The following MACROD2 variants were observed in gnomAD, a reference collection of about 807,000 sequenced individuals.
The protein encoded by MACROD2 is mono-ADP ribosylhydrolase 2, also known as ADP-ribose glycohydrolase MACROD2.
A neutral mutation model predicts 70.4 loss-of-function variants in MACROD2; 36 were observed. The ratio of observed to expected loss-of-function variants is 0.51; its 90% CI spans 0.39 to 0.68. The LOEUF (loss-of-function observed/expected upper bound fraction) is 0.68, where lower values mean the gene tolerates loss of function less well. Among genes scored for constraint, MACROD2 ranks in the 30% least tolerant of loss-of-function variants. The probability of loss-of-function intolerance (pLI) is 0.00; values close to 1 mark genes in which losing one functional copy is unlikely to be tolerated. For synonymous variants in MACROD2, 172 were observed against 178.8 expected, an observed-to-expected ratio of 0.96 and a Z score of 0.30; for missense variants, 496 against 538.4, an observed-to-expected ratio of 0.92 and a Z score of 0.78.
intron 15 of MACROD2, among the ~76,000 whole-genome samples, chr20:15,994,903 T>G (rs1490109732): frequency 6.6e-6 from 1 of 152,188 alleles, no homozygotes; most frequent in Non-Finnish European, 1.5e-5. Flanking sequence ...CAACAAAAAT[T>G]TTGTAACAAT....
At chr20:15,824,716 C>T (rs565547018) in intron 8 of MACROD2, among the ~76,000 whole-genome samples, 85 of 152,232 alleles carry the variant, frequency 5.6e-4, no homozygotes, top group Non-Finnish European at 1.0e-3. Context: ...TTCAGCTCTC[C>T]CCCACCCATT....
chr20:15,728,875 T>C (rs2423983), intron 8 of MACROD2, among the ~76,000 whole-genome samples: 129,142 of 151,818 alleles, frequency 0.85, 55,603 homozygotes, highest in Non-Finnish European at 0.92. Flanking sequence ...TTTTGTATCT[T>C]GGTTTCCTTC....
In MACROD2 at chr20:14,784,658, G is replaced by T. The variant is rs556527000; in HGVS notation, c.418+99699G>T. On this transcript the variant is annotated intron_variant, in intron 5 of 17. Transcript: ENST00000684519. Reference sequence around the variant, plus strand: ...ATCCAAATTAGGTCAGAAAAGGATGGTGTTTTAAGTGGGGGGGGGGGGGCA... The same window carrying T: ...ATCCAAATTAGGTCAGAAAAGGATGTTGTTTTAAGTGGGGGGGGGGGGGCA... Among the ~76,000 whole-genome samples the T allele has an allele frequency of 1.1e-3, 45 of 41,252 alleles. 1 individual carries two copies. Among genetic ancestry groups the T allele is most frequent in the African/African-American group, 4.5e-3 (42 of 9,350 alleles). The allele number at this position is 41,252 out of a possible 152,430, so 27.1% of individuals were successfully genotyped here. A position where few individuals can be genotyped will look rare whatever the true frequency, so the allele number is the denominator to read the frequency against.
At chr20:15,296,928 C>T (rs2077594970) in intron 6 of MACROD2, among the ~76,000 whole-genome samples, 1 of 152,152 alleles carries the variant, frequency 6.6e-6, no homozygotes, top group Non-Finnish European at 1.5e-5. Flanking sequence ...AAAACAGCAA[C>T]ATTAAGGCCA....
intron 8 of MACROD2, among the ~76,000 whole-genome samples, chr20:15,798,576 G>A (rs1424727737): frequency 2.6e-5 from 4 of 152,098 alleles, no homozygotes; most frequent in African/African-American, 9.7e-5. Flanking sequence ...AAATTCAAAG[G>A]GAGAATTAAA....
chr20:14,956,056 A>T (rs2074534293), intron 5 of MACROD2, among the ~76,000 whole-genome samples: 1 of 150,158 alleles, frequency 6.7e-6, no homozygotes, highest in Non-Finnish European at 1.5e-5. Flanking sequence ...AACTTATGTG[A>T]TGTTTTTATT....
At chr20:15,002,619 G>C (rs1157778827) in intron 5 of MACROD2, among the ~76,000 whole-genome samples, 1 of 152,104 alleles carries the variant, frequency 6.6e-6, no homozygotes, top group Non-Finnish European at 1.5e-5. Context: ...TTTAATGTAG[G>C]TGCAGACTCA....
At chr20:16,001,598 A>G (rs2066710427) in intron 15 of MACROD2, among the ~76,000 whole-genome samples, 1 of 152,226 alleles carries the variant, frequency 6.6e-6, no homozygotes, top group South Asian at 2.1e-4. Flanking sequence ...CCTTCATTTT[A>G]AATTGAACCT....
At chr20:14,654,976 T>G (rs2123519571) in intron 4 of MACROD2, among the ~76,000 whole-genome samples, 1 of 152,260 alleles carries the variant, frequency 6.6e-6, no homozygotes, top group East Asian at 1.9e-4. Context: ...AGAGTTAGAT[T>G]TCACAGAAAG....
intron 4 of MACROD2, among the ~76,000 whole-genome samples, chr20:14,624,997 G>T (rs1473487028): frequency 6.6e-6 from 1 of 152,116 alleles, no homozygotes; most frequent in Non-Finnish European, 1.5e-5. Context: ...CATGGTTAAT[G>T]GTGAATGGCT....
intron 7 of MACROD2, among the ~76,000 whole-genome samples, chr20:15,450,886 A>G (rs2046631838): frequency 6.6e-6 from 1 of 152,164 alleles, no homozygotes; most frequent in African/African-American, 2.4e-5. Context: ...CAGTTTGTCA[A>G]CGATTTTCTA....
chr20:15,295,526 G>A (rs574666027), intron 6 of MACROD2, among the ~76,000 whole-genome samples: 16 of 151,772 alleles, frequency 1.1e-4, no homozygotes, highest in African/African-American at 3.1e-4. Context: ...GTGAAATAGC[G>A]ATGATAGAAT....
chr20:14,763,592 A>AGATG (rs2072045581), intron 5 of MACROD2, among the ~76,000 whole-genome samples: 2 of 152,154 alleles, frequency 1.3e-5, no homozygotes, highest in Admixed American at 1.3e-4. Context: ...GATACTTAGA[A>AGATG]GATGGAATTA....
At chr20:16,025,781 T>C (rs1036001963) in intron 15 of MACROD2, among the ~76,000 whole-genome samples, 4 of 152,312 alleles carry the variant, frequency 2.6e-5, no homozygotes, top group South Asian at 2.1e-4. Flanking sequence ...AATGCATTTC[T>C]AACCACAGGG....
intron 4 of MACROD2, among the ~76,000 whole-genome samples, chr20:14,549,233 A>G (rs1361619659): frequency 6.6e-6 from 1 of 152,188 alleles, no homozygotes; most frequent in Non-Finnish European, 1.5e-5. Flanking sequence ...GCTGGGCTAG[A>G]ATCTATATTT....
chr20:14,655,465 A>C (rs1216762481), intron 4 of MACROD2, among the ~76,000 whole-genome samples: 1 of 151,944 alleles, frequency 6.6e-6, no homozygotes, highest in Non-Finnish European at 1.5e-5. Context: ...TAACTTAGTT[A>C]TTCAAACATG....
chr20:14,710,502 T>C (rs1355446445), intron 5 of MACROD2, among the ~76,000 whole-genome samples: 1 of 152,240 alleles, frequency 6.6e-6, no homozygotes, highest in Non-Finnish European at 1.5e-5. Context: ...TGGAACTTGT[T>C]ATCACCACGT....
At chr20:14,423,699 CA>C (rs1228934904) in intron 3 of MACROD2, among the ~76,000 whole-genome samples, 11,381 of 51,324 alleles carry the variant, frequency 0.22, 523 homozygotes, top group Non-Finnish European at 0.28. Context: ...GACTCTGTCT[CA>C]AAAAAAAAAA....
intron 8 of MACROD2, among the ~76,000 whole-genome samples, chr20:15,554,665 A>G (rs1442469505): frequency 5.3e-5 from 8 of 152,142 alleles, no homozygotes; most frequent in African/African-American, 1.9e-4. Flanking sequence ...GAACTAGATT[A>G]TGGCCCTTTA....
Sources: allele counts gnomAD v4.1 joint callset (sites outside exome capture counted in the v4.1 genomes callset), GRCh38; gene constraint gnomAD v4.1.1; transcripts MANE v1.5; gene names NCBI Gene and HGNC (gene_info 2026-07-23, HGNC 2026-07-21).